The following TNRC6A variants were observed in gnomAD, a reference collection of about 807,000 sequenced individuals.
TNRC6A encodes trinucleotide repeat containing adaptor 6A.
Under a neutral mutation model 221.2 loss-of-function variants are expected in TNRC6A, and 44 were observed. That is an observed-to-expected ratio of 0.20 (90% confidence interval 0.16 to 0.26). The LOEUF (loss-of-function observed/expected upper bound fraction) is 0.26. Ranked by LOEUF, TNRC6A falls within the 10% of genes least tolerant of loss-of-function variation. TNRC6A has a pLI of 1.00. For synonymous variants in TNRC6A, 847 were observed against 838.5 expected, an observed-to-expected ratio of 1.01 and a Z score of -0.18; for missense variants, 2,199 against 2,404.4, an observed-to-expected ratio of 0.91 and a Z score of 1.79.
intron 2 of TNRC6A, among the ~76,000 whole-genome samples, chr16:24,658,405 A>T (rs73564611): frequency 9.2e-4 from 140 of 152,274 alleles, no homozygotes; most frequent in African/African-American, 3.3e-3. Flanking sequence ...TCTGTCCCCT[A>T]GACTGGGGTG....
In TNRC6A at chr16:24,771,552, A is replaced by ATGTTATGTTATGTTATGTTATGTTG. The variant is rs2057596064; in HGVS notation, c.164-5372_164-5371insATGTTATGTTATGTTGTGTTATGTT. 6.9e-5 allele frequency among the ~76,000 whole-genome samples: 7 copies of ATGTTATGTTATGTTATGTTATGTTG among 101,722 alleles called. No homozygotes were observed. In the Admixed American group the frequency reaches 8.6e-4, roughly 13 times the overall value. 66.7% of individuals were successfully genotyped at this position (101,722 alleles called of 152,430 possible). On this transcript the variant is annotated intron_variant, in intron 4 of 24. Coordinates refer to ENST00000395799, the MANE Select transcript of TNRC6A (RefSeq NM_014494.4). ...ATGTTATGTTATGTTATGTTATGTTATGTTATGTTTTATGTTATGTTATGT... is the reference window on the plus strand; with the variant it reads ...ATGTTATGTTATGTTATGTTATGTTATGTTATGTTATGTTATGTTATGTTGTGTTATGTTTTATGTTATGTTATGT...
chr16:24,626,336 A>G (rs1268927711), intron 1 of TNRC6A, among the ~76,000 whole-genome samples: 1 of 152,214 alleles, frequency 6.6e-6, no homozygotes, highest in African/African-American at 2.4e-5. Context: ...AAAAGAACAT[A>G]AAGCAAACAA....
In TNRC6A at chr16:24,804,807, T is replaced by G. The variant is rs370691069; in HGVS notation, c.3940T>G (p.Ser1314Ala). 6.2e-7 allele frequency: 1 copy of G among 1,611,978 alleles called. No individual in the cohort carries two copies. The highest frequency in any genetic ancestry group is 2.2e-5 in the East Asian group (1 of 44,882). ...TGCACTACCTAACCAGGCCCTTGGC[T>G]CCATAGCAGGGCTGGGTATGCAAAA... ...NSALPNQALG[S>A]IAGLGMQNLN... Residue 1314 changes from serine to alanine, a missense_variant, in exon 13 of 25, where the codon TCC becomes GCC. By Grantham distance (99) the Ser-to-Ala change is moderately conservative. Around this residue, in one of 8 missense-constraint regions of TNRC6A, gnomAD observed 449 missense variants for 579.7 expected, o/e 0.77. Coordinates refer to ENST00000395799, the MANE Select transcript of TNRC6A (RefSeq NM_014494.4).
At chr16:24,768,271 AAC>A (rs2057516421) in intron 4 of TNRC6A, among the ~76,000 whole-genome samples, 1 of 151,978 alleles carries the variant, frequency 6.6e-6, no homozygotes. Flanking sequence ...CTCTACTAAA[AAC>A]ACAAAAAATT....
chr16:24,699,070 T>C (rs903932532), intron 2 of TNRC6A, among the ~76,000 whole-genome samples: 2 of 152,158 alleles, frequency 1.3e-5, no homozygotes, highest in African/African-American at 4.8e-5. Flanking sequence ...TGGATAAGTG[T>C]TTCATGTTTC....
intron 5 of TNRC6A, among the ~76,000 whole-genome samples, chr16:24,781,613 C>T (rs1331193393): frequency 6.6e-6 from 1 of 152,140 alleles, no homozygotes; most frequent in Non-Finnish European, 1.5e-5. Context: ...TGGAAGTCTT[C>T]AGCTGATGTT....
At chr16:24,794,393 ACTTTC>A (rs1217217436) in intron 7 of TNRC6A, 146 bp from the exon 8 acceptor site, 5 of 658,038 alleles carry the variant, frequency 7.6e-6, no homozygotes, top group South Asian at 6.7e-5. Flanking sequence ...TATAAAACAT[ACTTTC>A]CTTCTGTGCA....
At position 24,719,868 on chromosome 16, in the gene TNRC6A, C is replaced by T. The variant is rs113427537; in HGVS notation, n.403-30858C>T. 8.6e-5 allele frequency among the ~76,000 whole-genome samples: 13 copies of T among 151,106 alleles called. 1 individual carries two copies. Among genetic ancestry groups the T allele is most frequent in the African/African-American group, 2.7e-4 (11 of 41,254 alleles). ...AAAAAAAAAAAAAAATTTAAACAAG[C>T]GACAGTAATATTTCATTAGAAATGT... On this transcript the variant is annotated intron_variant and non_coding_transcript_variant, in intron 2 of 2. Coordinates refer to the TNRC6A transcript ENST00000566108.
In TNRC6A at chr16:24,789,695, A is replaced by C. The variant is rs771578049; in HGVS notation, c.1053A>C (p.Ser351=). 16 of 1,614,250 alleles carry C rather than the reference A, an allele frequency of 9.9e-6. No homozygotes were observed. The highest frequency in any genetic ancestry group is 3.3e-5 in the South Asian group (3 of 91,086). The change falls in exon 6 of 25, where the codon TCA becomes TCC. Residue 351 remains serine (S), a synonymous_variant. Coordinates refer to ENST00000395799, the MANE Select transcript of TNRC6A (RefSeq NM_014494.4). ...ATGCTTGGGGCACTGTAAGTTCTTCATCAAATGGAGGGTTAAATCCAAGCA... is the reference window on the plus strand; with the variant it reads ...ATGCTTGGGGCACTGTAAGTTCTTCCTCAAATGGAGGGTTAAATCCAAGCA... ...RMNAWGTVSS[S]SNGGLNPSTL... is the part of the protein sequence containing the mutation.
intron 4 of TNRC6A, among the ~76,000 whole-genome samples, chr16:24,767,387 A>T (rs891528388): frequency 6.6e-6 from 1 of 152,206 alleles, no homozygotes; most frequent in Non-Finnish European, 1.5e-5. Context: ...TAGATTAGGG[A>T]AAGTCGAGGT....
chr16:24,707,917 G>T (rs1256997822), intron 2 of TNRC6A, among the ~76,000 whole-genome samples: 1 of 152,106 alleles, frequency 6.6e-6, no homozygotes, highest in Non-Finnish European at 1.5e-5. Flanking sequence ...ACATTAGCCC[G>T]GTGTGATGAC....
chr16:24,677,443 G>A (rs935222537), intron 2 of TNRC6A, among the ~76,000 whole-genome samples: 3 of 152,204 alleles, frequency 2.0e-5, no homozygotes, highest in Non-Finnish European at 2.9e-5. Context: ...GATTACAGAC[G>A]TAAGCCACAG....
chr16:24,687,606 T>C (rs932722305), intron 2 of TNRC6A, among the ~76,000 whole-genome samples: 1 of 152,010 alleles, frequency 6.6e-6, no homozygotes, highest in African/African-American at 2.4e-5. Context: ...CTGAGCAACA[T>C]AGTGAGATGC....
rs544689247 is a variant in TNRC6A at position 24,631,007 on chromosome 16, G to C, written n.277-9877G>C. Among the ~76,000 whole-genome samples, 16 of 150,724 alleles carry C rather than the reference G, an allele frequency of 1.1e-4. No individual in the cohort carries two copies. The South Asian group carries it at 3.4e-3, about 32-fold the overall frequency. On this transcript the variant is annotated intron_variant and non_coding_transcript_variant, in intron 1 of 2. Transcript: ENST00000566108. ...TGGAGGGTCCATGCTTGTACATACA[G>C]ATGAAGGGAAGAAAGAAAAAAAAAA...
In TNRC6A at chr16:24,789,360, C is replaced by A. The variant is rs776421159; in HGVS notation, c.718C>A (p.Pro240Thr). The A allele has an allele frequency of 1.9e-6, 3 of 1,614,200 alleles. No homozygotes were observed. Among genetic ancestry groups the A allele is most frequent in the East Asian group, 2.2e-5 (1 of 44,888 alleles). ...TGACTTGTCGGAAAAAGAAGCATGG[C>A]CCTCAGCCCCTGGCAGTGATCCGGA... ...VSDLSEKEAW[P>T]SAPGSDPELA... is the part of the protein sequence containing the mutation. The change falls in exon 6 of 25, where the codon CCC becomes ACC. Residue 240 changes from proline (P) to threonine (T), a missense_variant. Pro to Thr is a conservative substitution (Grantham distance 38). This residue lies in a region of TNRC6A where 1,405 missense variants were observed against 1,400.2 expected (regional missense o/e 1.00). Transcript: ENST00000395799.
chr16:24,822,028 G>A (rs1439303778), intron 22 of TNRC6A, 49 bp from the exon 23 acceptor site: 2 of 1,571,008 alleles, frequency 1.3e-6, no homozygotes. Context: ...ACTGTAGTTG[G>A]GCTCTTTCAG....
chr16:24,773,429 T>G (rs1328201021), intron 4 of TNRC6A, among the ~76,000 whole-genome samples: 1 of 152,264 alleles, frequency 6.6e-6, no homozygotes, highest in Non-Finnish European at 1.5e-5. Flanking sequence ...AGTTTTATCA[T>G]TTTAGTGACA....
At chr16:24,754,481 A>G (rs2057206696) in intron 3 of TNRC6A, among the ~76,000 whole-genome samples, 1 of 152,116 alleles carries the variant, frequency 6.6e-6, no homozygotes, top group Non-Finnish European at 1.5e-5. Flanking sequence ...TCTGTTTCAT[A>G]TCTAAGAACC....
chr16:24,814,934 G>T (rs563316596), intron 18 of TNRC6A, among the ~76,000 whole-genome samples: 1 of 152,226 alleles, frequency 6.6e-6, no homozygotes, highest in East Asian at 1.9e-4. Context: ...TGATGTTTAT[G>T]CATCTCATAA....
Sources: gnomAD v4.1 joint callset for allele counts (sites outside exome capture counted in the v4.1 genomes callset) on GRCh38, gnomAD v4.1.1 for gene constraint, gnomAD v4.1.1 regional missense constraint, MANE v1.5 for transcripts, NCBI Gene and HGNC (gene_info 2026-07-23, HGNC 2026-07-21) for gene names.